Variants in ABCG1 observed in about 807,000 individuals in gnomAD.
The protein encoded by ABCG1 is ATP-binding cassette sub-family G member 1.
Under a neutral mutation model 69.2 loss-of-function variants are expected in ABCG1, and 29 were observed. The observed-to-expected ratio is 0.42, with a 90% confidence interval of 0.31 to 0.57. The LOEUF (loss-of-function observed/expected upper bound fraction) is 0.57, where lower values mean the gene tolerates loss of function less well. Among genes scored for constraint, ABCG1 ranks in the 20% least tolerant of loss-of-function variants. The pLI is 0.15. For missense variants in ABCG1, 718 were observed against 898.1 expected (o/e 0.80, Z 2.56); for synonymous variants, 370 against 374.8 (o/e 0.99, Z 0.15).
rs1291732827 is a variant in ABCG1 at position 42,219,255 on chromosome 21, C to A, written c.-8C>A. The A allele has an allele frequency of 1.3e-6, 2 of 1,548,030 alleles. No homozygotes were observed. The highest frequency in any genetic ancestry group is 1.9e-5 in the Admixed American group (1 of 52,502). The stretch of plus-strand genomic sequence containing the variant: ...CGCCGCCGCCGCCGCCGCCGCCGCC[C>A]CCGGGGCATGGCCTGTCTGATGGCC... On this transcript the variant is annotated 5_prime_UTR_variant, in exon 1 of 15. Transcript: ENST00000398449. The surrounding 1 kb of genome is among the most constrained non-coding windows in gnomAD (Gnocchi z 5.3).
intron 2 of ABCG1, among the ~76,000 whole-genome samples, chr21:42,229,958 G>A (rs1307966490): frequency 1.3e-5 from 2 of 152,128 alleles, no homozygotes; most frequent in Non-Finnish European, 1.5e-5. Context: ...ATGGTGCTGC[G>A]ATACAAACGC....
upstream of ABCG1, among the ~76,000 whole-genome samples, chr21:42,212,140 T>C (rs1259965446): frequency 6.6e-6 from 1 of 152,186 alleles, no homozygotes; most frequent in Non-Finnish European, 1.5e-5. Context: ...GTGTGAACAA[T>C]ACATTTCTGT....
rs760527834 is a variant in ABCG1 at position 42,259,510 on chromosome 21, A to T, written c.287-11560A>T. On this transcript the variant is annotated intron_variant, in intron 2 of 14. Coordinates refer to ENST00000398449, the MANE Select transcript of ABCG1 (RefSeq NM_016818.3). Reference sequence around the variant, plus strand: ...CCATCCAACCGTCCACTCAAGGTGCATTGACTGAGGCTGGCTGGCTGGAGT... The same window carrying T: ...CCATCCAACCGTCCACTCAAGGTGCTTTGACTGAGGCTGGCTGGCTGGAGT... 20 of 1,544,326 alleles carry T rather than the reference A, an allele frequency of 1.3e-5. No homozygotes were observed. The South Asian group carries it at 2.4e-4, about 18-fold the overall frequency.
At chr21:42,290,517 C>G (rs1186409220) in intron 11 of ABCG1, among the ~76,000 whole-genome samples, 5 of 152,206 alleles carry the variant, frequency 3.3e-5, no homozygotes, top group African/African-American at 1.2e-4. Context: ...AACTCTACTA[C>G]TTAAGCATTA....
At position 42,293,434 on chromosome 21, in the gene ABCG1, T is replaced by TACACACC. The variant is rs1214027963; in HGVS notation, c.1654-1101_1654-1095dup. Among the ~76,000 whole-genome samples, 3 of 108,708 alleles carry TACACACC rather than the reference T, an allele frequency of 2.8e-5. No individual in the cohort carries two copies. The East Asian group carries it at 9.7e-4, about 35-fold the overall frequency. 71.3% of individuals were successfully genotyped at this position (108,708 alleles called of 152,430 possible). On this transcript the variant is annotated intron_variant, in intron 13 of 14. Coordinates refer to ENST00000398449, the MANE Select transcript of ABCG1 (RefSeq NM_016818.3). ...ACTACACACATACCACACTACACACTACACACCACACACTACACACACACC... is the reference window on the plus strand; with the variant it reads ...ACTACACACATACCACACTACACACTACACACCACACACCACACACTACACACACACC...
intron 2 of ABCG1, among the ~76,000 whole-genome samples, chr21:42,267,453 C>T (rs563371029): frequency 1.3e-5 from 2 of 149,852 alleles, no homozygotes; most frequent in African/African-American, 5.0e-5. Flanking sequence ...CGAGTTCTGT[C>T]TGGGTCTGGT....
At chr21:42,283,657 C>CCA (rs1555961622) in intron 6 of ABCG1, among the ~76,000 whole-genome samples, 1 of 145,326 alleles carries the variant, frequency 6.9e-6, no homozygotes, top group Admixed American at 7.6e-5. Flanking sequence ...GAAGTCCCCC[C>CCA]CCACCCAAAT....
At position 42,288,223 on chromosome 21, in the gene ABCG1, A is replaced by G. The variant is rs1334611460; in HGVS notation, c.1135A>G (p.Met379Val). Residue 379 changes from methionine to valine, a missense_variant, in exon 10 of 15, where the codon ATG (methionine) becomes GTG (valine). By Grantham distance (21) the Met-to-Val change is conservative. Around this residue, in one of 2 missense-constraint regions of ABCG1, gnomAD observed 514 missense variants for 574.3 expected, o/e 0.90. Transcript: ENST00000398449. This position sits in a 1 kb window ranked among gnomAD's most constrained non-coding sequence, Gnocchi z 4.8. ...HRPSEEDSSS[M>V]EGCHSFSASC... is the part of the protein sequence containing the mutation. ...CGTGTGTCCTCAGGACTCCTCGTCCATGGAAGGCTGCCACAGCTTCTCTGC... is the reference window on the plus strand; with the variant it reads ...CGTGTGTCCTCAGGACTCCTCGTCCGTGGAAGGCTGCCACAGCTTCTCTGC... 3.7e-6 allele frequency: 6 copies of G among 1,614,052 alleles called. No individual in the cohort carries two copies. Among genetic ancestry groups the G allele is most frequent in the Middle Eastern group, 1.6e-4 (1 of 6,084 alleles).
intron 5 of ABCG1, among the ~76,000 whole-genome samples, chr21:42,278,893 C>A (rs532965704): frequency 2.6e-5 from 4 of 152,232 alleles, no homozygotes; most frequent in South Asian, 2.1e-4. Flanking sequence ...TGCCACCCCC[C>A]AGTCCTGGGC....
At position 42,273,284 on chromosome 21, in the gene ABCG1, C is replaced by G. The variant is rs774319144; in HGVS notation, c.405-19C>G. The stretch of plus-strand genomic sequence containing the variant: ...AGCAGGAGCCCGGCTGACGGCTTCT[C>G]CTGTCCTTGGTTCTGCAGGGAGACG... On this transcript the variant is annotated intron_variant, in intron 3 of 14. Transcript: ENST00000398449. The surrounding 1 kb of genome is among the most constrained non-coding windows in gnomAD (Gnocchi z 5.3). 1.9e-6 allele frequency: 3 copies of G among 1,607,396 alleles called. No individual in the cohort carries two copies. Among genetic ancestry groups the G allele is most frequent in the Non-Finnish European group, 2.5e-6 (3 of 1,176,656 alleles).
Position 42,288,391 on chromosome 21 carries a change from C to T in ABCG1, c.1224+79C>T, listed in dbSNP as rs2068989555. ...CAGACTCGTCCTGACGGAATGTGTT[C>T]GTTCATTCTCACATTGCTATAAAGA... is the stretch of plus-strand genomic sequence containing the variant. On this transcript the variant is annotated intron_variant, in intron 10 of 14. Transcript: ENST00000398449. The surrounding 1 kb of genome is among the most constrained non-coding windows in gnomAD (Gnocchi z 4.8). 8.6e-6 allele frequency: 9 copies of T among 1,046,116 alleles called. No homozygotes were observed. The highest frequency in any genetic ancestry group is 2.0e-5 in the Admixed American group (1 of 49,972). The allele number at this position is 1,046,116 out of a possible 1,614,324, so 64.8% of individuals were successfully genotyped here. A position where few individuals can be genotyped will look rare whatever the true frequency, so the allele number is the denominator to read the frequency against.
At chr21:42,208,419 A>G (rs1378576) in intron 2 of ABCG1, among the ~76,000 whole-genome samples, 3,859 of 152,180 alleles carry the variant, frequency 0.025, 162 homozygotes, top group African/African-American at 0.087. Context: ...GTTTTGTGTA[A>G]TATCCAAGGT....
intron 2 of ABCG1, among the ~76,000 whole-genome samples, chr21:42,263,115 T>C (rs2068441970): frequency 6.6e-6 from 1 of 152,220 alleles, no homozygotes; most frequent in Non-Finnish European, 1.5e-5. Context: ...GTAGGAAATG[T>C]AAACATTCAG....
intron 13 of ABCG1, among the ~76,000 whole-genome samples, chr21:42,293,180 AC>A (rs2069115975): frequency 7.5e-6 from 1 of 132,884 alleles, no homozygotes; most frequent in African/African-American, 3.0e-5. Flanking sequence ...CTACACACAC[AC>A]CACACTACAC....
Position 42,273,175 on chromosome 21 carries a change from G to T in ABCG1, c.405-128G>T. On this transcript the variant is annotated intron_variant, in intron 3 of 14. Transcript: ENST00000398449. This position sits in a 1 kb window ranked among gnomAD's most constrained non-coding sequence, Gnocchi z 5.3. ...TCCCTTTCTGCCCCTCGGGGTCCCCGTGGCCAGTGGTTCAGCTGGGAAGAT... is the reference window on the plus strand; with the variant it reads ...TCCCTTTCTGCCCCTCGGGGTCCCCTTGGCCAGTGGTTCAGCTGGGAAGAT... 1 of 1,336,980 alleles carries T rather than the reference G, an allele frequency of 7.5e-7. No homozygotes were observed. The highest frequency in any genetic ancestry group is 2.6e-4 in the Middle Eastern group (1 of 3,806). The allele number at this position is 1,336,980 out of a possible 1,614,324, so 82.8% of individuals were successfully genotyped here. A position where few individuals can be genotyped will look rare whatever the true frequency, so the allele number is the denominator to read the frequency against.
chr21:42,258,853 C>T (rs1188520480), intron 2 of ABCG1, among the ~76,000 whole-genome samples: 1 of 152,246 alleles, frequency 6.6e-6, no homozygotes, highest in African/African-American at 2.4e-5. Context: ...TAGGAGGGCA[C>T]AGTGGCTGTC....
chr21:42,283,214 G>C (rs79592672), intron 6 of ABCG1, among the ~76,000 whole-genome samples: 6 of 152,168 alleles, frequency 3.9e-5, no homozygotes, highest in South Asian at 2.1e-4. Context: ...GCCTTCTGAG[G>C]GGGGGATGGC....
intron 4 of ABCG1, among the ~76,000 whole-genome samples, chr21:42,275,878 T>A (rs2068700948): frequency 6.6e-6 from 1 of 152,158 alleles, no homozygotes; most frequent in Non-Finnish European, 1.5e-5. Flanking sequence ...TTGTGCATGT[T>A]TATGCTTTTC....
intron 2 of ABCG1, among the ~76,000 whole-genome samples, chr21:42,263,412 C>T (rs73362785): frequency 0.013 from 1,942 of 152,254 alleles, 14 homozygotes; most frequent in Non-Finnish European, 0.021. Flanking sequence ...AGCCCTGAAG[C>T]GACAGGAAGG....
Sources: gnomAD v4.1 joint callset for allele counts (sites outside exome capture counted in the v4.1 genomes callset) on GRCh38, gnomAD v4.1.1 for gene constraint, gnomAD v4.1.1 regional missense constraint, Gnocchi (gnomAD v3.1) non-coding constraint, MANE v1.5 for transcripts, NCBI Gene and HGNC (gene_info 2026-07-23, HGNC 2026-07-21) for gene names.